MGST2: variants seen among roughly 807,000 people sequenced by gnomAD.
MGST2 encodes the protein glutathione peroxidase MGST2.
MGST2 carries 9 observed loss-of-function variants against 16.6 expected under a neutral mutation model. The ratio of observed to expected loss-of-function variants is 0.54; its 90% CI spans 0.33 to 0.95. The LOEUF (loss-of-function observed/expected upper bound fraction) is 0.95, where lower values mean the gene tolerates loss of function less well. Among genes scored for constraint, MGST2 ranks in the 40% least tolerant of loss-of-function variants. The probability of loss-of-function intolerance (pLI) is 0.03; values close to 1 mark genes in which losing one functional copy is unlikely to be tolerated. For synonymous variants in MGST2, 79 were observed against 68.0 expected (o/e 1.16, Z -0.79); for missense variants, 159 against 175.1 (o/e 0.91, Z 0.52).
At chr4:139,725,455 A>G (rs560695741) in intron 5 of MGST2, among the ~76,000 whole-genome samples, 1 of 152,266 alleles carries the variant, frequency 6.6e-6, no homozygotes, top group East Asian at 1.9e-4. Flanking sequence ...TTACAATACT[A>G]TGTACCTTTG....
chr4:139,716,990 A>ATGAT (rs1482583175), intron 5 of MGST2: 6 of 152,622 alleles, frequency 3.9e-5, no homozygotes, highest in Admixed American at 3.9e-4. Context: ...CACTGCTGTG[A>ATGAT]TGATGAGTTA....
At chr4:139,714,915 T>A (rs1413760560) in intron 5 of MGST2, among the ~76,000 whole-genome samples, 1 of 152,158 alleles carries the variant, frequency 6.6e-6, no homozygotes, top group Non-Finnish European at 1.5e-5. Context: ...TGTCCCAGGA[T>A]CCTGTACATT....
chr4:139,688,601 T>G (rs1241061676), intron 2 of MGST2, among the ~76,000 whole-genome samples: 1 of 152,138 alleles, frequency 6.6e-6, no homozygotes, highest in Non-Finnish European at 1.5e-5. Context: ...GTGACCTTAA[T>G]GCATGTCTAA....
intron 2 of MGST2, among the ~76,000 whole-genome samples, chr4:139,689,560 A>G (rs1052486068): frequency 3.3e-5 from 5 of 152,214 alleles, no homozygotes; most frequent in African/African-American, 9.6e-5. Context: ...CAGAAGACCA[A>G]GGCCGGGTCA....
the MGST2 span, among the ~76,000 whole-genome samples, chr4:139,751,292 T>G: frequency 6.6e-6 from 1 of 152,202 alleles, no homozygotes; most frequent in East Asian, 1.9e-4. Flanking sequence ...ATCCAAAATA[T>G]TTGGGATCAG....
intron 5 of MGST2, chr4:139,730,575 G>A (rs778933002): frequency 1.2e-5 from 19 of 1,604,788 alleles, no homozygotes; most frequent in East Asian, 2.2e-5. Context: ...CGGGGCCTGC[G>A]GGACTGGCTC....
intron 5 of MGST2, chr4:139,725,659 A>G: frequency 8.0e-7 from 1 of 1,254,480 alleles, no homozygotes; most frequent in East Asian, 2.4e-5. Context: ...CCTGGACACA[A>G]ATACAGCCAG....
chr4:139,704,556 C>T (rs1304881433), downstream of MGST2, among the ~76,000 whole-genome samples: 1 of 152,136 alleles, frequency 6.6e-6, no homozygotes, highest in Non-Finnish European at 1.5e-5. Flanking sequence ...GATAGGAAGG[C>T]ATGTGGGGGA....
intron 5 of MGST2, among the ~76,000 whole-genome samples, chr4:139,724,105 A>G (rs1206110258): frequency 2.0e-5 from 3 of 152,242 alleles, no homozygotes; most frequent in Non-Finnish European, 2.9e-5. Context: ...GATTTAGTGC[A>G]CAGAACACCT....
In MGST2 at chr4:139,698,548, G is replaced by A. The variant is rs575158283; in HGVS notation, c.229+3281G>A. 596 of 965,884 alleles carry A rather than the reference G, an allele frequency of 6.2e-4. 3 individuals are homozygous for A. The highest frequency in any genetic ancestry group is 4.9e-3 in the African/African-American group (303 of 61,886). The allele number at this position is 965,884 out of a possible 1,614,324, so 59.8% of individuals were successfully genotyped here. A position where few individuals can be genotyped will look rare whatever the true frequency, so the allele number is the denominator to read the frequency against. On this transcript the variant is annotated intron_variant, in intron 3 of 4. Coordinates refer to ENST00000265498, the MANE Select transcript of MGST2 (RefSeq NM_002413.5). Reference sequence around the variant, plus strand: ...GATTTGCGGGCAGTCTGCTTTGTACGAGCCATGGTACAGAGACCTCCTTAC... The same window carrying A: ...GATTTGCGGGCAGTCTGCTTTGTACAAGCCATGGTACAGAGACCTCCTTAC...
At chr4:139,668,625 G>A (rs1335490947) in intron 1 of MGST2, among the ~76,000 whole-genome samples, 1 of 150,726 alleles carries the variant, frequency 6.6e-6, no homozygotes, top group South Asian at 2.1e-4. Flanking sequence ...GGAGGGGGAG[G>A]GGGTAGAGGG....
chr4:139,712,321 T>G (rs1727775696), intron 5 of MGST2, among the ~76,000 whole-genome samples: 1 of 152,156 alleles, frequency 6.6e-6, no homozygotes, highest in Non-Finnish European at 1.5e-5. Flanking sequence ...ATAAACAGGG[T>G]TAGCTTAAAT....
chr4:139,725,893 T>C, intron 5 of MGST2: 1 of 1,400,882 alleles, frequency 7.1e-7, no homozygotes, highest in Non-Finnish European at 1.0e-6. Flanking sequence ...AGCACACAAT[T>C]CAATATCCCA....
chr4:139,730,799 G>A (rs1008265631), intron 5 of MGST2: 26 of 772,148 alleles, frequency 3.4e-5, no homozygotes, highest in Non-Finnish European at 5.0e-5. Context: ...TGAGTGGCAC[G>A]CATTGCATTT....
chr4:139,694,910 A>C lies in MGST2; in HGVS notation c.159-287A>C, dbSNP rs528035739. ...TAATCTCTTAAGTTCTTTAGATAAG[A>C]TATGGAGTGATCTTTAGGCTCAGGA... On this transcript the variant is annotated intron_variant, in intron 2 of 4. Coordinates refer to ENST00000265498, the MANE Select transcript of MGST2 (RefSeq NM_002413.5). 9.2e-5 allele frequency among the ~76,000 whole-genome samples: 14 copies of C among 152,344 alleles called. No homozygotes were observed. In the East Asian group the frequency reaches 2.7e-3, roughly 29 times the overall value.
chr4:139,717,856 G>A (rs1389384296), intron 5 of MGST2: 1 of 152,312 alleles, frequency 6.6e-6, no homozygotes, highest in Non-Finnish European at 1.5e-5. Flanking sequence ...GAGGCAAGGA[G>A]CCTTGTTGAT....
Position 139,719,074 on chromosome 4 carries a change from C to T in MGST2, c.*48+14878C>T, listed in dbSNP as rs1048064439. 21 of 473,268 alleles carry T rather than the reference C, an allele frequency of 4.4e-5. No homozygotes were observed. The Admixed American group carries it at 4.7e-4, about 11-fold the overall frequency. 29.3% of individuals were successfully genotyped at this position (473,268 alleles called of 1,614,324 possible). On this transcript the variant is annotated intron_variant, in intron 5 of 5. Transcript: ENST00000616265. ...GGCTTCATCTTCCCACCTGCTCCTC[C>T]GGGTGTCTCCCTCTCTCGCAGCCGG...
downstream of MGST2, among the ~76,000 whole-genome samples, chr4:139,708,666 C>T (rs1343458355): frequency 6.6e-6 from 1 of 152,072 alleles, no homozygotes; most frequent in Non-Finnish European, 1.5e-5. Flanking sequence ...GGCATAAAAA[C>T]CAAATGGCAA....
downstream of MGST2, among the ~76,000 whole-genome samples, chr4:139,707,526 C>T (rs1232100762): frequency 2.0e-5 from 3 of 152,200 alleles, no homozygotes; most frequent in African/African-American, 7.2e-5. Flanking sequence ...GTGCATGTGT[C>T]TTTATAGCAA....
Sources: allele counts gnomAD v4.1 joint callset (sites outside exome capture counted in the v4.1 genomes callset), GRCh38; gene constraint gnomAD v4.1.1; transcripts MANE v1.5; gene names NCBI Gene and HGNC (gene_info 2026-07-23, HGNC 2026-07-21).